The following STXBP5 variants were observed in gnomAD, a reference collection of about 807,000 sequenced individuals.
STXBP5 encodes the protein syntaxin binding protein 5.
STXBP5 carries 50 observed loss-of-function variants against 152.4 expected under a neutral mutation model. The ratio of observed to expected loss-of-function variants is 0.33; its 90% CI spans 0.26 to 0.42. The LOEUF is 0.42. Ranked by LOEUF, STXBP5 falls within the 10% of genes least tolerant of loss-of-function variation. STXBP5 has a pLI of 1.00. For synonymous variants in STXBP5, 492 were observed against 494.7 expected, an observed-to-expected ratio of 0.99 and a Z score of 0.07; for missense variants, 1,167 against 1,388.6, an observed-to-expected ratio of 0.84 and a Z score of 2.54.
At chr6:147,350,164 A>T (rs1210323707) in intron 21 of STXBP5, among the ~76,000 whole-genome samples, 1 of 152,140 alleles carries the variant, frequency 6.6e-6, no homozygotes, top group Non-Finnish European at 1.5e-5. Context: ...TTGAAACTAG[A>T]CTAACTGAGA....
intron 7 of STXBP5, among the ~76,000 whole-genome samples, chr6:147,268,571 G>A (rs1780004659): frequency 6.6e-6 from 1 of 152,200 alleles, no homozygotes; most frequent in Non-Finnish European, 1.5e-5. Context: ...CTGCTCACTA[G>A]TCAGGATCTT....
chr6:147,286,138 G>A lies in STXBP5; in HGVS notation c.839-4956G>A, dbSNP rs151178637. Among the ~76,000 whole-genome samples the A allele has an allele frequency of 2.6e-3, 393 of 151,902 alleles. 1 individual carries two copies. The highest frequency in any genetic ancestry group is 8.9e-3 in the African/African-American group (369 of 41,476). ...TTTCAGATTTAAGCCTCCTTTTTTCGATACCTTTTATTTTCCTTGCAATTC... is the reference window on the plus strand; with the variant it reads ...TTTCAGATTTAAGCCTCCTTTTTTCAATACCTTTTATTTTCCTTGCAATTC... On this transcript the variant is annotated intron_variant, in intron 8 of 27. Coordinates refer to ENST00000321680, the MANE Select transcript of STXBP5 (RefSeq NM_001127715.4).
chr6:147,388,548 G>C lies in STXBP5; in HGVS notation c.*3793G>C, dbSNP rs1167764655. ...AGTATGTATATTATCCATACAAAAA[G>C]TTATGTTTTACGCTTATAATAAGAA... On this transcript the variant is annotated 3_prime_UTR_variant, in exon 28 of 28. Transcript: ENST00000321680. The C allele has an allele frequency of 6.6e-6, 1 of 151,218 alleles. No homozygotes were observed. The highest frequency in any genetic ancestry group is 1.5e-5 in the Non-Finnish European group (1 of 67,550). 9.4% of individuals were successfully genotyped at this position (151,218 alleles called of 1,614,324 possible). A position where few individuals can be genotyped will look rare whatever the true frequency, so the allele number is the denominator to read the frequency against.
In STXBP5 at chr6:147,349,932, A is replaced by C. The variant is rs73586356; in HGVS notation, c.2255-3391A>C. Reference sequence around the variant, plus strand: ...CTAATGTTGTCATTTCAAGTTCTGCATTCAAGGAGATTGCTTAAAATTTTA... The same window carrying C: ...CTAATGTTGTCATTTCAAGTTCTGCCTTCAAGGAGATTGCTTAAAATTTTA... On this transcript the variant is annotated intron_variant, in intron 21 of 27. Coordinates refer to ENST00000321680, the MANE Select transcript of STXBP5 (RefSeq NM_001127715.4). Among the ~76,000 whole-genome samples, 576 of 152,344 alleles carry C rather than the reference A, an allele frequency of 3.8e-3. 3 individuals are homozygous for C. Among genetic ancestry groups the C allele is most frequent in the African/African-American group, 0.013 (553 of 41,584 alleles).
At chr6:147,240,142 A>G (rs935291470) in intron 4 of STXBP5, among the ~76,000 whole-genome samples, 4 of 152,030 alleles carry the variant, frequency 2.6e-5, no homozygotes, top group Non-Finnish European at 5.9e-5. Context: ...GGGTTTCGCC[A>G]TGTTGGCCAG....
intron 8 of STXBP5, among the ~76,000 whole-genome samples, chr6:147,287,289 G>A (rs1022362857): frequency 8.1e-6 from 1 of 124,018 alleles, no homozygotes; most frequent in Non-Finnish European, 1.6e-5. Flanking sequence ...TGCAAGCTCC[G>A]CCTCCCGGGT....
rs1361306671 is a variant in STXBP5 at position 147,386,135 on chromosome 6, C to T, written c.*1380C>T. On this transcript the variant is annotated 3_prime_UTR_variant, in exon 28 of 28. Transcript: ENST00000321680. ...TAGTAGATCTAGAAGTAAGCAATCT[C>T]AGAATACAGACTAATCTGAGATTAT... 1.3e-5 allele frequency: 2 copies of T among 151,922 alleles called. No homozygotes were observed. Among genetic ancestry groups the T allele is most frequent in the Non-Finnish European group, 2.9e-5 (2 of 67,920 alleles). 9.4% of individuals were successfully genotyped at this position (151,922 alleles called of 1,614,324 possible). A position where few individuals can be genotyped will look rare whatever the true frequency, so the allele number is the denominator to read the frequency against.
At chr6:147,345,639 C>T (rs1307855980) in intron 21 of STXBP5, among the ~76,000 whole-genome samples, 4 of 152,018 alleles carry the variant, frequency 2.6e-5, no homozygotes, top group Admixed American at 2.6e-4. Flanking sequence ...GTTCTTTTTA[C>T]CTTTTACCTT....
chr6:147,372,618 A>G (rs918308263), intron 25 of STXBP5, among the ~76,000 whole-genome samples: 3 of 151,136 alleles, frequency 2.0e-5, no homozygotes, highest in South Asian at 4.2e-4. Flanking sequence ...TATTTTTAGT[A>G]GAGACAGGGT....
At chr6:147,380,423 G>A (rs1786027217) in intron 26 of STXBP5, among the ~76,000 whole-genome samples, 3 of 144,850 alleles carry the variant, frequency 2.1e-5, no homozygotes, top group African/African-American at 7.6e-5. Context: ...TTTTCAATAA[G>A]TGATGTTGGA....
chr6:147,367,229 A>T (rs1456646877), intron 25 of STXBP5, among the ~76,000 whole-genome samples: 1 of 152,234 alleles, frequency 6.6e-6, no homozygotes, highest in African/African-American at 2.4e-5. Flanking sequence ...GTGTACTTGA[A>T]AGTATAGCAA....
At position 147,310,174 on chromosome 6, in the gene STXBP5, T is replaced by C; in HGVS notation, c.1008T>C (p.Ala336=). The change falls in exon 10 of 28, where the codon GCT becomes GCC. Residue 336 remains alanine, a synonymous_variant. Transcript: ENST00000321680. ...CLTVMHGKST[A]VLEMDYSIVD... The stretch of plus-strand genomic sequence containing the variant: ...CAGTGATGCATGGGAAAAGCACTGC[T>C]GTGCTAGAAATGGACTATTCAATTG... 3 of 1,606,298 alleles carry C rather than the reference T, an allele frequency of 1.9e-6. No individual in the cohort carries two copies. The highest frequency in any genetic ancestry group is 2.5e-6 in the Non-Finnish European group (3 of 1,177,684).
chr6:147,283,962 G>A (rs549764407), intron 8 of STXBP5, among the ~76,000 whole-genome samples: 5 of 152,224 alleles, frequency 3.3e-5, no homozygotes, highest in Middle Eastern at 3.4e-3. Flanking sequence ...CGTGAGCTGC[G>A]TGTGTGATTC....
chr6:147,264,794 T>C (rs1339892031), intron 6 of STXBP5, among the ~76,000 whole-genome samples: 3 of 152,106 alleles, frequency 2.0e-5, no homozygotes, highest in African/African-American at 7.2e-5. Context: ...TATTATTCTC[T>C]TGCTTTTGTA....
chr6:147,273,160 A>G (rs1780261078), intron 7 of STXBP5, among the ~76,000 whole-genome samples: 1 of 149,208 alleles, frequency 6.7e-6, no homozygotes, highest in African/African-American at 2.5e-5. Flanking sequence ...TGAGATCGGC[A>G]TGGGCAACAT....
chr6:147,311,381 A>G (rs917916213), intron 10 of STXBP5, 74 bp from the exon 11 acceptor site: 1 of 1,234,966 alleles, frequency 8.1e-7, no homozygotes. Context: ...AATAAAATCA[A>G]GCAAGAAACA....
chr6:147,312,645 A>G (rs1379700832), intron 11 of STXBP5, among the ~76,000 whole-genome samples: 1 of 152,164 alleles, frequency 6.6e-6, no homozygotes, highest in Non-Finnish European at 1.5e-5. Flanking sequence ...CAAAATGTGA[A>G]TAGTACTGAG....
chr6:147,343,490 GAA>G (rs1405142658), intron 21 of STXBP5, among the ~76,000 whole-genome samples: 2 of 152,056 alleles, frequency 1.3e-5, no homozygotes, highest in African/African-American at 4.8e-5. Context: ...TTCAAGAAAA[GAA>G]ATTGAATGTC....
intron 9 of STXBP5, among the ~76,000 whole-genome samples, chr6:147,306,690 C>T (rs911487912): frequency 1.3e-5 from 2 of 152,158 alleles, no homozygotes; most frequent in Non-Finnish European, 2.9e-5. Context: ...TCGTTTCTGA[C>T]CTCTGGTCTT....
Sources: allele counts gnomAD v4.1 joint callset (sites outside exome capture counted in the v4.1 genomes callset), GRCh38; gene constraint gnomAD v4.1.1; transcripts MANE v1.5; gene names NCBI Gene and HGNC (gene_info 2026-07-23, HGNC 2026-07-21).